Variants in TXLNB observed in about 807,000 individuals in gnomAD.
TXLNB encodes beta-taxilin.
Under a neutral mutation model 57.4 loss-of-function variants are expected in TXLNB, and 37 were observed. The ratio of observed to expected loss-of-function variants is 0.64; its 90% confidence interval spans 0.50 to 0.85. The LOEUF is 0.85. Ranked by LOEUF, TXLNB falls within the 40% of genes least tolerant of loss-of-function variation. The pLI is 0.00. For synonymous variants in TXLNB, 302 were observed against 309.6 expected (o/e 0.98, Z 0.26); for missense variants, 848 against 825.6 (o/e 1.03, Z -0.33).
At chr6:139,210,468 C>T in the TXLNB span, among the ~76,000 whole-genome samples, 2 of 152,340 alleles carry the variant, frequency 1.3e-5, no homozygotes, top group East Asian at 1.9e-4. Context: ...CCTAAATGCC[C>T]ATCAACCAAC....
rs1043799226 is a variant in TXLNB at position 139,241,694 on chromosome 6, T to C, written c.*832A>G. 2.0e-4 allele frequency: 30 copies of C among 152,276 alleles called. No homozygotes were observed. Among genetic ancestry groups the C allele is most frequent in the African/African-American group, 6.8e-4 (28 of 41,470 alleles). The allele number at this position is 152,276 out of a possible 1,614,324, so 9.4% of individuals were successfully genotyped here. On this transcript the variant is annotated 3_prime_UTR_variant, in exon 10 of 10. Coordinates refer to ENST00000358430, the MANE Select transcript of TXLNB (RefSeq NM_153235.4). ...TTCTGTTTTGGGCCCCTTGTGGTCA[T>C]CTTTGTGTCCATGCTGTCTGCACAG...
At chr6:139,303,938 G>A in the TXLNB span, among the ~76,000 whole-genome samples, 2 of 150,368 alleles carry the variant, frequency 1.3e-5, no homozygotes, top group African/African-American at 4.9e-5. Flanking sequence ...CCAGAAATGT[G>A]CAAGATAGCT....
At chr6:139,313,147 G>A in the TXLNB span, among the ~76,000 whole-genome samples, 6 of 150,636 alleles carry the variant, frequency 4.0e-5, no homozygotes, top group Non-Finnish European at 7.4e-5. Context: ...ATCTCGGCTC[G>A]CTGCAAGCTC....
chr6:139,289,060 T>C (rs1777247971), intron 1 of TXLNB, 147 bp from the exon 2 acceptor site: 1 of 666,036 alleles, frequency 1.5e-6, no homozygotes, highest in Non-Finnish European at 2.5e-6. Context: ...TCACAAACCA[T>C]TGATGTTACT....
chr6:139,321,970 T>C, the TXLNB span, among the ~76,000 whole-genome samples: 344 of 151,760 alleles, frequency 2.3e-3, 1 homozygote, highest in African/African-American at 7.8e-3. Flanking sequence ...TCATTAATTT[T>C]TTTTTTTTTA....
chr6:139,235,934 G>A (rs183183663), downstream of TXLNB, among the ~76,000 whole-genome samples: 1 of 152,286 alleles, frequency 6.6e-6, no homozygotes, highest in African/African-American at 2.4e-5. Flanking sequence ...ACAGGCACCA[G>A]CAAATGCTGG....
chr6:139,219,665 T>C, the TXLNB span, among the ~76,000 whole-genome samples: 3 of 152,160 alleles, frequency 2.0e-5, no homozygotes, highest in Non-Finnish European at 4.4e-5. Context: ...CACAGATGTG[T>C]CTGGGAGCAG....
At chr6:139,284,326 G>A (rs1777123108) in intron 2 of TXLNB, among the ~76,000 whole-genome samples, 1 of 144,442 alleles carries the variant, frequency 6.9e-6, no homozygotes, top group South Asian at 2.3e-4. Context: ...TCAGGAGATC[G>A]AGACCATCCT....
chr6:139,178,357 A>C, the TXLNB span: 35 of 152,308 alleles, frequency 2.3e-4, no homozygotes, highest in Admixed American at 1.0e-3. Context: ...CCCTTATAGA[A>C]TTGGAATATG....
At chr6:139,267,777 A>G (rs1410215585) in intron 4 of TXLNB, among the ~76,000 whole-genome samples, 1 of 152,208 alleles carries the variant, frequency 6.6e-6, no homozygotes, top group African/African-American at 2.4e-5. Context: ...TGAATGGATG[A>G]AAAGAGATAC....
At chr6:139,160,308 T>G in the TXLNB span, among the ~76,000 whole-genome samples, 2 of 152,248 alleles carry the variant, frequency 1.3e-5, no homozygotes, top group Non-Finnish European at 1.5e-5. Context: ...CTTGTTAGAT[T>G]ATCACAGTTT....
chr6:139,176,920 G>A, the TXLNB span: 18 of 861,244 alleles, frequency 2.1e-5, no homozygotes, highest in African/African-American at 1.5e-4. The surrounding 1 kb of genome is among the most constrained non-coding windows in gnomAD (Gnocchi z 4.5). Flanking sequence ...TGTTGTGGCT[G>A]ATGGTGTCTG....
At chr6:139,209,776 A>G in the TXLNB span, among the ~76,000 whole-genome samples, 2 of 152,170 alleles carry the variant, frequency 1.3e-5, no homozygotes, top group African/African-American at 4.8e-5. Context: ...AGAAGATAAC[A>G]TTGGAAAAAC....
At chr6:139,207,281 C>T in the TXLNB span, among the ~76,000 whole-genome samples, 3 of 152,134 alleles carry the variant, frequency 2.0e-5, no homozygotes, top group Non-Finnish European at 4.4e-5. Context: ...ATATCAAGGA[C>T]CTTCTCAGAC....
the TXLNB span, among the ~76,000 whole-genome samples, chr6:139,218,698 G>A: frequency 6.6e-6 from 1 of 152,112 alleles, no homozygotes; most frequent in Non-Finnish European, 1.5e-5. Flanking sequence ...GTTGCAGTAA[G>A]CTGAGATTGC....
the TXLNB span, among the ~76,000 whole-genome samples, chr6:139,307,697 A>G: frequency 6.6e-6 from 1 of 152,044 alleles, no homozygotes; most frequent in Non-Finnish European, 1.5e-5. Context: ...TTCCTCTTCT[A>G]TTCATTCTTG....
chr6:139,248,716 T>C (rs1776125951), intron 7 of TXLNB, among the ~76,000 whole-genome samples: 1 of 151,998 alleles, frequency 6.6e-6, no homozygotes, highest in Non-Finnish European at 1.5e-5. Context: ...TTAAGGACAG[T>C]GGGTGATCGG....
the TXLNB span, among the ~76,000 whole-genome samples, chr6:139,190,883 G>A: frequency 1.3e-5 from 2 of 152,158 alleles, no homozygotes; most frequent in Non-Finnish European, 2.9e-5. Context: ...AGGCACAAGC[G>A]TTCAGACCAT....
At chr6:139,210,810 G>C in the TXLNB span, among the ~76,000 whole-genome samples, 1 of 152,242 alleles carries the variant, frequency 6.6e-6, no homozygotes, top group South Asian at 2.1e-4. Flanking sequence ...AATGGTCTTA[G>C]CAAACGGCAC....
Sources: allele counts gnomAD v4.1 joint callset (sites outside exome capture counted in the v4.1 genomes callset), GRCh38; gene constraint gnomAD v4.1.1; non-coding constraint Gnocchi (gnomAD v3.1); transcripts MANE v1.5; gene names NCBI Gene and HGNC (gene_info 2026-07-23, HGNC 2026-07-21).